The following BRD4 variants were observed in gnomAD, a reference collection of about 807,000 sequenced individuals.
BRD4 encodes the protein bromodomain-containing protein 4.
Under a neutral mutation model 142.1 loss-of-function variants are expected in BRD4, and 16 were observed. The ratio of observed to expected loss-of-function variants is 0.11; its 90% CI spans 0.08 to 0.17. The LOEUF is 0.17. BRD4 is among the 10% of genes least tolerant of loss of function. The probability of loss-of-function intolerance (pLI) is 1.00; values close to 1 mark genes in which losing one functional copy is unlikely to be tolerated. For synonymous variants in BRD4, 833 were observed against 707.5 expected, an observed-to-expected ratio of 1.18 and a Z score of -2.82; for missense variants, 1,424 against 1,810.9, an observed-to-expected ratio of 0.79 and a Z score of 3.88.
At chr19:15,330,790 G>T (rs571888529) in intron 1 of BRD4, among the ~76,000 whole-genome samples, 1 of 152,174 alleles carries the variant, frequency 6.6e-6, no homozygotes, top group South Asian at 2.1e-4. Context: ...ATATTGGCAA[G>T]ATCATAAAAC....
In BRD4 at chr19:15,238,925, G is replaced by T. The variant is rs755237120; in HGVS notation, c.3838C>A (p.Arg1280Ser). The T allele has an allele frequency of 1.3e-6, 2 of 1,598,658 alleles. No homozygotes were observed. The highest frequency in any genetic ancestry group is 8.5e-7 in the Non-Finnish European group (1 of 1,174,690). Residue 1280 changes from arginine (R) to serine (S), a missense_variant, in exon 19 of 20, where the codon CGT becomes AGT. Transcript: ENST00000679869. The surrounding 1 kb of genome is among the most constrained non-coding windows in gnomAD (Gnocchi z 7.2). ...TGCTGCTGCTGCTCCTGGCGCCGACGTGCCTCCTCATGGGCCCGCCGGGCC... is the reference window on the plus strand; with the variant it reads ...TGCTGCTGCTGCTCCTGGCGCCGACTTGCCTCCTCATGGGCCCGCCGGGCC... ...EQARRAHEEA[R>S]RRQEQQQQQR...
Position 15,239,369 on chromosome 19 carries a change from C to T in BRD4, c.3576+23G>A. The T allele has an allele frequency of 6.2e-7, 1 of 1,614,212 alleles. No individual in the cohort carries two copies. The highest frequency in any genetic ancestry group is 8.5e-7 in the Non-Finnish European group (1 of 1,180,046). On this transcript the variant is annotated intron_variant, in intron 17 of 19. Transcript: ENST00000679869. This position sits in a 1 kb window ranked among gnomAD's most constrained non-coding sequence, Gnocchi z 7.4. ...CCTTCCAGGGCCAAGGGGCAAGCGA[C>T]ACCCATGGACCTCCATCCCAACCTT...
rs769986915 is a variant in BRD4, at chr19:15,244,514, C to T, written c.2298G>A (p.Pro766=). The change falls in exon 13 of 20, where the codon CCG becomes CCA. Residue 766 remains proline (P), a synonymous_variant. Transcript: ENST00000679869. ...GCTGTTGCTGCTGCGGAGGTGGAGG[C>T]GGTGGGGGCTGCTGGGGAGGCGGGG... ...QPPPPPQQPP[P]PPPPQQQQQP... 1.1e-4 allele frequency: 16 copies of T among 150,470 alleles called. No individual in the cohort carries two copies. Among genetic ancestry groups the T allele is most frequent in the South Asian group, 5.0e-4 (9 of 18,134 alleles). 9.3% of individuals were successfully genotyped at this position (150,470 alleles called of 1,614,324 possible).
chr19:15,259,472 C>T (rs1039598351), intron 7 of BRD4, among the ~76,000 whole-genome samples: 4 of 152,208 alleles, frequency 2.6e-5, no homozygotes, highest in African/African-American at 9.6e-5. Flanking sequence ...ATGGCCCTGG[C>T]TCTCCAAAGG....
intron 8 of BRD4, 51 bp downstream of exon 8, chr19:15,256,913 C>A (rs766662955): frequency 5.6e-5 from 83 of 1,486,266 alleles, no homozygotes; most frequent in Non-Finnish European, 7.0e-5. Flanking sequence ...GGGGAGGCCA[C>A]CCTGGTCCAC....
chr19:15,284,108 T>C (rs752899938), intron 1 of BRD4, among the ~76,000 whole-genome samples: 1 of 152,104 alleles, frequency 6.6e-6, no homozygotes, highest in Admixed American at 6.6e-5. Flanking sequence ...TTCAATGATA[T>C]TACCCTGGGC....
At chr19:15,325,515 TCAC>T (rs1263446385) in intron 1 of BRD4, among the ~76,000 whole-genome samples, 1 of 152,140 alleles carries the variant, frequency 6.6e-6, no homozygotes, top group Non-Finnish European at 1.5e-5. Flanking sequence ...CTTCTACTTC[TCAC>T]CACATTAAAA....
At chr19:15,266,245 A>G (rs1298961718) in intron 4 of BRD4, among the ~76,000 whole-genome samples, 1 of 152,208 alleles carries the variant, frequency 6.6e-6, no homozygotes, top group Non-Finnish European at 1.5e-5. Flanking sequence ...CCAGAGCTCT[A>G]ACAAAACTGG....
rs1482655394 is a variant in BRD4, at chr19:15,238,932, C to T, written c.3831G>A (p.Glu1277=). ...DALEQARRAH[E]EARRRQEQQQ... is the part of the protein sequence containing the mutation. ...GCTGCTCCTGGCGCCGACGTGCCTCCTCATGGGCCCGCCGGGCCTGCTCCA... is the reference window on the plus strand; with the variant it reads ...GCTGCTCCTGGCGCCGACGTGCCTCTTCATGGGCCCGCCGGGCCTGCTCCA... The change falls in exon 19 of 20, where the codon GAG becomes GAA. Residue 1277 remains glutamate, a synonymous_variant. Transcript: ENST00000679869. The surrounding 1 kb of genome is among the most constrained non-coding windows in gnomAD (Gnocchi z 7.2). 7.5e-6 allele frequency: 12 copies of T among 1,598,854 alleles called. No individual in the cohort carries two copies. Among genetic ancestry groups the T allele is most frequent in the East Asian group, 2.3e-5 (1 of 44,316 alleles).
intron 1 of BRD4, among the ~76,000 whole-genome samples, chr19:15,309,299 C>T (rs568349197): frequency 7.2e-6 from 1 of 139,386 alleles, no homozygotes; most frequent in Admixed American, 7.8e-5. Context: ...GATTGTGCCA[C>T]TGTACTCCAG....
At chr19:15,266,607 G>A (rs546847913) in intron 4 of BRD4, among the ~76,000 whole-genome samples, 1 of 152,312 alleles carries the variant, frequency 6.6e-6, no homozygotes, top group Admixed American at 6.5e-5. Flanking sequence ...TGATCTGATA[G>A]GTACAAGAGC....
Position 15,237,778 on chromosome 19 carries a change from TG to T in BRD4, c.*598del, listed in dbSNP as rs1273709404. 23 of 231,926 alleles carry T rather than the reference TG, an allele frequency of 9.9e-5. No individual in the cohort carries two copies. Among genetic ancestry groups the T allele is most frequent in the African/African-American group, 5.1e-4 (23 of 45,242 alleles). 14.4% of individuals were successfully genotyped at this position (231,926 alleles called of 1,614,324 possible). ...ACACCTCCACGGCACTATTCCCTTT[TG>T]CACAAGCAAACACTTACAGAGAGCG... On this transcript the variant is annotated 3_prime_UTR_variant, in exon 20 of 20. Coordinates refer to ENST00000679869, the MANE Select transcript of BRD4 (RefSeq NM_001379291.1).
At chr19:15,270,266 T>C (rs2047573071) in intron 2 of BRD4, among the ~76,000 whole-genome samples, 1 of 152,116 alleles carries the variant, frequency 6.6e-6, no homozygotes, top group Non-Finnish European at 1.5e-5. Context: ...GCACAGGGTA[T>C]GGGTGTGGGG....
At chr19:15,289,673 AAAAG>A (rs1478233619) in intron 1 of BRD4, among the ~76,000 whole-genome samples, 3 of 150,434 alleles carry the variant, frequency 2.0e-5, no homozygotes, top group Admixed American at 6.6e-5. Flanking sequence ...TCCAAAAAAA[AAAAG>A]AAAAAAAAAA....
chr19:15,276,966 C>T (rs143081546), intron 1 of BRD4, among the ~76,000 whole-genome samples: 3 of 152,150 alleles, frequency 2.0e-5, no homozygotes, highest in East Asian at 1.9e-4. Flanking sequence ...AGACCAGAGG[C>T]GGGGGAAGAG....
At chr19:15,326,015 A>AAG (rs1555748480) in intron 1 of BRD4, among the ~76,000 whole-genome samples, 3 of 149,706 alleles carry the variant, frequency 2.0e-5, no homozygotes, top group Middle Eastern at 3.4e-3. Context: ...AAAAAAAAAA[A>AAG]AAAGAAAGAA....
At chr19:15,277,582 G>C (rs2047660907) in intron 1 of BRD4, among the ~76,000 whole-genome samples, 1 of 134,140 alleles carries the variant, frequency 7.5e-6, no homozygotes, top group Non-Finnish European at 1.5e-5. Flanking sequence ...TGGAATTTGA[G>C]ACCAGCCTGG....
At chr19:15,279,092 C>T (rs563913753) in intron 1 of BRD4, among the ~76,000 whole-genome samples, 2 of 152,096 alleles carry the variant, frequency 1.3e-5, no homozygotes, top group African/African-American at 2.4e-5. Context: ...CCGCCCACTT[C>T]GGCCGCCCAA....
At chr19:15,274,378 G>C (rs1260482931) in intron 1 of BRD4, among the ~76,000 whole-genome samples, 1 of 152,214 alleles carries the variant, frequency 6.6e-6, no homozygotes, top group Non-Finnish European at 1.5e-5. Context: ...TGGGGTCAAG[G>C]GGAGGGGAGG....
Sources: allele counts gnomAD v4.1 joint callset (sites outside exome capture counted in the v4.1 genomes callset), GRCh38; gene constraint gnomAD v4.1.1; non-coding constraint Gnocchi (gnomAD v3.1); transcripts MANE v1.5; gene names NCBI Gene and HGNC (gene_info 2026-07-23, HGNC 2026-07-21).